The following DYM variants were observed in gnomAD, a reference collection of about 807,000 sequenced individuals.
DYM encodes the protein dymeclin.
A neutral mutation model predicts 93.1 loss-of-function variants in DYM; 78 were observed. That is an observed-to-expected ratio of 0.84 (90% CI 0.70 to 1.01). DYM has a LOEUF of 1.01. DYM is among the 50% of genes least tolerant of loss of function. The pLI is 0.00. For missense variants in DYM, 789 were observed against 845.0 expected (o/e 0.93, Z 0.82); for synonymous variants, 321 against 319.7 (o/e 1.00, Z -0.04).
intron 14 of DYM, among the ~76,000 whole-genome samples, chr18:49,180,320 C>T (rs779163040): frequency 2.6e-5 from 4 of 151,942 alleles, no homozygotes; most frequent in Non-Finnish European, 5.9e-5. Flanking sequence ...ATGTCAGTGC[C>T]CATCCTCGTT....
At chr18:49,109,159 C>T (rs1186024787) in intron 16 of DYM, among the ~76,000 whole-genome samples, 1 of 152,030 alleles carries the variant, frequency 6.6e-6, no homozygotes. Flanking sequence ...TTTATCCAAT[C>T]TGAAAATTTC....
chr18:49,433,520 T>C (rs982300175), intron 1 of DYM, among the ~76,000 whole-genome samples: 2 of 152,054 alleles, frequency 1.3e-5, no homozygotes, highest in Admixed American at 1.3e-4. Context: ...CCATAATAGG[T>C]AGTGCTCAAT....
intron 13 of DYM, among the ~76,000 whole-genome samples, chr18:49,222,969 C>G (rs1333431137): frequency 1.3e-5 from 2 of 152,146 alleles, no homozygotes; most frequent in Non-Finnish European, 2.9e-5. Flanking sequence ...ACCAATCAAT[C>G]TTAGTATCTC....
At position 49,042,331 on chromosome 18, in the gene DYM, C is replaced by G. The variant is rs1429561816; in HGVS notation, c.*1724G>C. ...TCTGGGACCCCACCCGGGATGGGCG[C>G]TCCACGAGTCCCTTGGCCTTAGGGA... On this transcript the variant is annotated 3_prime_UTR_variant, in exon 18 of 18. Coordinates refer to ENST00000675505, the MANE Select transcript of DYM (RefSeq NM_001353214.3). 3 of 152,604 alleles carry G rather than the reference C, an allele frequency of 2.0e-5. No individual in the cohort carries two copies. The highest frequency in any genetic ancestry group is 6.5e-5 in the Admixed American group (1 of 15,292). The allele number at this position is 152,604 out of a possible 1,614,324, so 9.5% of individuals were successfully genotyped here.
chr18:49,202,901 T>C (rs1399320968), intron 14 of DYM, among the ~76,000 whole-genome samples: 2 of 133,274 alleles, frequency 1.5e-5, no homozygotes, highest in Non-Finnish European at 3.3e-5. Flanking sequence ...GGGAGGGAGG[T>C]TGGGGGGGGT....
intron 15 of DYM, among the ~76,000 whole-genome samples, chr18:49,148,555 C>G (rs2085434388): frequency 6.6e-6 from 1 of 152,012 alleles, no homozygotes; most frequent in Non-Finnish European, 1.5e-5. Context: ...CGGCACCAAG[C>G]CTTTAAGATA....
intron 6 of DYM, among the ~76,000 whole-genome samples, chr18:49,360,292 A>T (rs934331131): frequency 6.6e-6 from 1 of 150,700 alleles, no homozygotes; most frequent in Non-Finnish European, 1.5e-5. Flanking sequence ...CTCATTTAAG[A>T]TATATACTAA....
Position 49,258,617 on chromosome 18 carries a change from G to A in DYM, c.1252-124C>T, listed in dbSNP as rs1598947651. The A allele has an allele frequency of 8.6e-6, 6 of 701,630 alleles. No individual in the cohort carries two copies. In the East Asian group the frequency reaches 1.1e-4, roughly 13 times the overall value. The allele number at this position is 701,630 out of a possible 1,614,324, so 43.5% of individuals were successfully genotyped here. On this transcript the variant is annotated intron_variant, in intron 11 of 17. Transcript: ENST00000675505. ...GAAGGTGAGTTAAGCAGCACAGACA[G>A]AGGCCACGCAAATGAGTCCAGATCT...
chr18:49,187,120 T>C (rs906195429), intron 14 of DYM, among the ~76,000 whole-genome samples: 1 of 151,902 alleles, frequency 6.6e-6, no homozygotes, highest in East Asian at 1.9e-4. Flanking sequence ...GGGGTTTCAC[T>C]GTGTTAGCCA....
intron 13 of DYM, among the ~76,000 whole-genome samples, chr18:49,242,431 A>G (rs955981800): frequency 6.6e-6 from 1 of 152,164 alleles, no homozygotes. Flanking sequence ...TAATAACAAT[A>G]AAAATGCATA....
chr18:49,078,598 CT>C (rs945241370), intron 17 of DYM, among the ~76,000 whole-genome samples: 47 of 152,244 alleles, frequency 3.1e-4, no homozygotes, highest in African/African-American at 1.1e-3. Flanking sequence ...AGCATTTATG[CT>C]TTCCCAGCTT....
At chr18:49,446,616 C>T (rs951194259) in intron 1 of DYM, among the ~76,000 whole-genome samples, 1 of 152,056 alleles carries the variant, frequency 6.6e-6, no homozygotes, top group Admixed American at 6.6e-5. Context: ...TTCCTGAGTG[C>T]CCACTATGTG....
At chr18:49,236,566 C>T (rs1306405697) in intron 13 of DYM, among the ~76,000 whole-genome samples, 1 of 151,878 alleles carries the variant, frequency 6.6e-6, no homozygotes, top group Non-Finnish European at 1.5e-5. Flanking sequence ...TCAAATATAC[C>T]CCACTTTAGG....
intron 1 of DYM, among the ~76,000 whole-genome samples, chr18:49,440,118 C>T (rs182685429): frequency 1.5e-5 from 2 of 135,794 alleles, no homozygotes; most frequent in African/African-American, 5.3e-5. Flanking sequence ...AGTCAATCTC[C>T]TCTTTTATGT....
At chr18:49,303,805 T>C (rs2061099814) in intron 8 of DYM, among the ~76,000 whole-genome samples, 1 of 152,248 alleles carries the variant, frequency 6.6e-6, no homozygotes, top group South Asian at 2.1e-4. Context: ...TAATACCAAC[T>C]TAATATTAAT....
At chr18:49,271,380 GAA>G (rs997276976) in intron 11 of DYM, among the ~76,000 whole-genome samples, 1 of 152,114 alleles carries the variant, frequency 6.6e-6, no homozygotes, top group African/African-American at 2.4e-5. Context: ...ATGGAAAAAG[GAA>G]AAAGTCTGTG....
chr18:49,350,675 C>G (rs1030381173), intron 6 of DYM, among the ~76,000 whole-genome samples: 1 of 148,290 alleles, frequency 6.7e-6, no homozygotes, highest in Non-Finnish European at 1.5e-5. Flanking sequence ...CATTGCACTC[C>G]ACCCTGGGTG....
chr18:49,405,027 AAAG>A lies in DYM; in HGVS notation c.141-13385_141-13383del, dbSNP rs1306812745. On this transcript the variant is annotated intron_variant, in intron 2 of 17. Coordinates refer to ENST00000675505, the MANE Select transcript of DYM (RefSeq NM_001353214.3). ...GACTCCATCTCAAAAAAAAAAAAAA[AAAG>A]AAAGAAAAAGAAGGAAAAGAAAATT... is the stretch of plus-strand genomic sequence containing the variant. Among the ~76,000 whole-genome samples, 6 of 151,430 alleles carry A rather than the reference AAAG, an allele frequency of 4.0e-5. No individual in the cohort carries two copies. In the South Asian group the frequency reaches 8.3e-4, roughly 21 times the overall value.
At chr18:49,333,594 G>C in intron 7 of DYM, 134 bp downstream of exon 7, 1 of 997,428 alleles carries the variant, frequency 1.0e-6, no homozygotes, top group Non-Finnish European at 1.5e-6. Context: ...TATGCACTGG[G>C]TTTAAAGAGA....
Sources: allele counts gnomAD v4.1 joint callset (sites outside exome capture counted in the v4.1 genomes callset), GRCh38; gene constraint gnomAD v4.1.1; transcripts MANE v1.5; gene names NCBI Gene and HGNC (gene_info 2026-07-23, HGNC 2026-07-21).